ADAM19: variants seen among roughly 807,000 people sequenced by gnomAD.
ADAM19 encodes ADAM metallopeptidase domain 19.
Under a neutral mutation model 114.7 loss-of-function variants are expected in ADAM19, and 65 were observed. The ratio of observed to expected loss-of-function variants is 0.57; its 90% CI spans 0.46 to 0.70. The LOEUF (loss-of-function observed/expected upper bound fraction) is 0.70. Ranked by LOEUF, ADAM19 falls within the 30% of genes least tolerant of loss-of-function variation. The probability of loss-of-function intolerance (pLI) is 0.00; values close to 1 mark genes in which losing one functional copy is unlikely to be tolerated. For synonymous variants in ADAM19, 466 were observed against 460.5 expected (o/e 1.01, Z -0.15); for missense variants, 1,063 against 1,204.7 (o/e 0.88, Z 1.74).
At chr5:157,484,825 C>A (rs1423125915) in intron 21 of ADAM19, among the ~76,000 whole-genome samples, 1 of 152,182 alleles carries the variant, frequency 6.6e-6, no homozygotes, top group Non-Finnish European at 1.5e-5. Context: ...CAGGTTGCAA[C>A]TGGGAAAGGC....
intron 3 of ADAM19, among the ~76,000 whole-genome samples, chr5:157,557,062 T>TTTTG (rs1408869782): frequency 1.3e-5 from 2 of 151,954 alleles, no homozygotes; most frequent in African/African-American, 4.8e-5. Context: ...TGTGGGGGTT[T>TTTTG]TTTGTTTGTT....
At chr5:157,483,765 T>C (rs1027422736) in intron 21 of ADAM19, among the ~76,000 whole-genome samples, 23 of 151,710 alleles carry the variant, frequency 1.5e-4, no homozygotes, top group African/African-American at 5.6e-4. Context: ...TCCTGAGTAG[T>C]TGGGATTACA....
intron 22 of ADAM19, 156 bp downstream of exon 22, chr5:157,481,635 C>T: frequency 1.3e-6 from 2 of 1,550,490 alleles, no homozygotes; most frequent in Non-Finnish European, 1.7e-6. Flanking sequence ...GTCAAGCGGG[C>T]ACCAAGAAAC....
chr5:157,523,004 CT>C (rs1421615140), intron 5 of ADAM19, among the ~76,000 whole-genome samples: 4 of 152,148 alleles, frequency 2.6e-5, no homozygotes, highest in Non-Finnish European at 4.4e-5. Flanking sequence ...AAATGTTATT[CT>C]TATTTCATTC....
chr5:157,515,256 C>T (rs1321441133), intron 7 of ADAM19, among the ~76,000 whole-genome samples: 3 of 152,192 alleles, frequency 2.0e-5, no homozygotes, highest in Non-Finnish European at 2.9e-5. Context: ...ATTGGTCTCT[C>T]GGCACAGACA....
In ADAM19 at chr5:157,575,592, T is replaced by A. The variant is rs764690609; in HGVS notation, c.94+11A>T. 6.8e-7 allele frequency: 1 copy of A among 1,461,598 alleles called. No individual in the cohort carries two copies. The highest frequency in any genetic ancestry group is 1.3e-5 in the South Asian group (1 of 76,436). The allele number at this position is 1,461,598 out of a possible 1,614,324, so 90.5% of individuals were successfully genotyped here. A position where few individuals can be genotyped will look rare whatever the true frequency, so the allele number is the denominator to read the frequency against. ...CACCCAGCCTCCATCCCCCCGCGCC[T>A]GGCCACTTACTTGTCCATCCAGGCT... On this transcript the variant is annotated intron_variant, in intron 1 of 22. Transcript: ENST00000257527.
rs751388553 is a variant in ADAM19 at position 157,493,080 on chromosome 5, TC to T, written c.1800del (p.Arg601GlyfsTer26). The T allele has an allele frequency of 6.2e-7, 1 of 1,614,172 alleles. No homozygotes were observed. The highest frequency in any genetic ancestry group is 1.1e-5 in the South Asian group (1 of 91,082). On this transcript the variant is annotated frameshift_variant, in exon 16 of 23. Coordinates refer to ENST00000257527, the MANE Select transcript of ADAM19 (RefSeq NM_033274.5). LOFTEE classifies it high-confidence loss of function. ...TGGGTGCCCCGGCACTGGATCTGCC[TC>T]CCATTCATGATGATAGTGGTGTCAA... ...VPIDTTIIMNGRQIQCRGTHV... is the reference protein window; with the variant it reads ...VPIDTTIIMNXRQIQCRGTHV...
At chr5:157,526,659 C>G (rs1012223683) in intron 5 of ADAM19, among the ~76,000 whole-genome samples, 1 of 148,234 alleles carries the variant, frequency 6.7e-6, no homozygotes, top group Non-Finnish European at 1.5e-5. Flanking sequence ...CTTGCTTTGT[C>G]GCCCAAGCTG....
intron 22 of ADAM19, 189 bp from the exon 23 acceptor site, chr5:157,481,191 T>C: frequency 1.4e-6 from 1 of 712,608 alleles, no homozygotes; most frequent in South Asian, 1.8e-5. Context: ...GTGTGGTAGG[T>C]GCCCCTATCT....
chr5:157,547,650 T>C (rs1757085220), intron 3 of ADAM19, among the ~76,000 whole-genome samples: 1 of 152,196 alleles, frequency 6.6e-6, no homozygotes, highest in Non-Finnish European at 1.5e-5. Context: ...GTTTTGCCAA[T>C]GCAAAATGAA....
intron 7 of ADAM19, among the ~76,000 whole-genome samples, chr5:157,518,172 A>T (rs1165985072): frequency 6.6e-6 from 1 of 152,190 alleles, no homozygotes; most frequent in Non-Finnish European, 1.5e-5. Context: ...ATTTCCATAG[A>T]CAATTCCGGG....
intron 21 of ADAM19, among the ~76,000 whole-genome samples, chr5:157,487,878 G>T (rs1754997666): frequency 6.6e-6 from 1 of 152,178 alleles, no homozygotes; most frequent in African/African-American, 2.4e-5. Context: ...CGGCATCTAG[G>T]AGCAGATCTG....
intron 12 of ADAM19, among the ~76,000 whole-genome samples, chr5:157,501,570 C>G (rs944505498): frequency 2.0e-5 from 3 of 152,202 alleles, no homozygotes; most frequent in African/African-American, 7.2e-5. Context: ...CCTAAGCCAA[C>G]TGGCCATGCC....
Position 157,483,192 on chromosome 5 carries a change from C to T in ADAM19, c.2551-1249G>A, listed in dbSNP as rs138747892. On this transcript the variant is annotated intron_variant, in intron 21 of 22. Coordinates refer to ENST00000257527, the MANE Select transcript of ADAM19 (RefSeq NM_033274.5). ...ATCTGCACATTCTGCACATGTACCCCAGAACTTAAAGTATAATAAAAAAAA... is the reference window on the plus strand; with the variant it reads ...ATCTGCACATTCTGCACATGTACCCTAGAACTTAAAGTATAATAAAAAAAA... Among the ~76,000 whole-genome samples the T allele has an allele frequency of 4.0e-3, 599 of 151,162 alleles. 5 individuals are homozygous for T. Among genetic ancestry groups the T allele is most frequent in the African/African-American group, 0.013 (551 of 41,128 alleles).
In ADAM19 at chr5:157,574,324, C is replaced by T. The variant is rs184159838; in HGVS notation, c.94+1279G>A. Reference sequence around the variant, plus strand: ...GTGCTAGGAGCAGTAACTAGCTTTCCTTGTCTTTCTTCATGCTTTTCTCCT... The same window carrying T: ...GTGCTAGGAGCAGTAACTAGCTTTCTTTGTCTTTCTTCATGCTTTTCTCCT... On this transcript the variant is annotated intron_variant, in intron 1 of 22. Coordinates refer to ENST00000257527, the MANE Select transcript of ADAM19 (RefSeq NM_033274.5). 2.6e-5 allele frequency among the ~76,000 whole-genome samples: 4 copies of T among 152,296 alleles called. No individual in the cohort carries two copies. The East Asian group carries it at 7.7e-4, about 29-fold the overall frequency.
At chr5:157,486,006 G>A (rs1754919333) in intron 21 of ADAM19, among the ~76,000 whole-genome samples, 2 of 152,166 alleles carry the variant, frequency 1.3e-5, no homozygotes, top group Non-Finnish European at 1.5e-5. Context: ...AGGTGCATAA[G>A]CCGGTTTAGA....
rs186859909 is a variant in ADAM19, at chr5:157,512,242, A to C, written c.738+1192T>G. ...ACCACTGACCTTTGTTTCCAGAGCC[A>C]TCTAGGGCAGAAAAAAACCATGGGC... On this transcript the variant is annotated intron_variant, in intron 8 of 22. Transcript: ENST00000257527. Among the ~76,000 whole-genome samples the C allele has an allele frequency of 2.6e-3, 403 of 152,320 alleles. 4 individuals carry two copies. The highest frequency in any genetic ancestry group is 4.1e-3 in the Non-Finnish European group (277 of 68,022).
At chr5:157,574,920 G>A (rs1298445222) in intron 1 of ADAM19, among the ~76,000 whole-genome samples, 1 of 152,216 alleles carries the variant, frequency 6.6e-6, no homozygotes, top group Admixed American at 6.5e-5. Flanking sequence ...CAGTGCCACC[G>A]CGGACCTCAA....
In ADAM19 at chr5:157,493,172, G is replaced by A. The variant is rs553414033; in HGVS notation, c.1709C>T (p.Ala570Val). 7 of 1,613,178 alleles carry A rather than the reference G, an allele frequency of 4.3e-6. No homozygotes were observed. The highest frequency in any genetic ancestry group is 2.2e-5 in the South Asian group (2 of 91,064). ...GEHRKCNMRD[A>V]KCGKIQCQSS... ...CTGACACTGGATCTTCCCACACTTC[G>A]CATCTCTGGGCACAAGAGACAGAGA... Residue 570 changes from alanine to valine, a missense_variant, in exon 16 of 23, where the codon GCG (alanine) becomes GTG (valine). Around this residue, in one of 3 missense-constraint regions of ADAM19, gnomAD observed 24 missense variants for 53.0 expected, o/e 0.45. Coordinates refer to ENST00000257527, the MANE Select transcript of ADAM19 (RefSeq NM_033274.5).
Sources: allele counts gnomAD v4.1 joint callset (sites outside exome capture counted in the v4.1 genomes callset), GRCh38; gene constraint gnomAD v4.1.1; regional missense constraint gnomAD v4.1.1; transcripts MANE v1.5; gene names NCBI Gene and HGNC (gene_info 2026-07-23, HGNC 2026-07-21).